TNRC6B: variants seen among roughly 807,000 people sequenced by gnomAD.
TNRC6B encodes trinucleotide repeat-containing gene 6B protein.
Under a neutral mutation model 203.6 loss-of-function variants are expected in TNRC6B, and 52 were observed. The ratio of observed to expected loss-of-function variants is 0.26; its 90% CI spans 0.20 to 0.32. The LOEUF (loss-of-function observed/expected upper bound fraction) is 0.32, where lower values mean the gene tolerates loss of function less well. TNRC6B is among the 10% of genes least tolerant of loss of function. The probability of loss-of-function intolerance (pLI) is 1.00; values close to 1 mark genes in which losing one functional copy is unlikely to be tolerated. For synonymous variants in TNRC6B, 838 were observed against 845.7 expected (o/e 0.99, Z 0.16); for missense variants, 1,923 against 2,286.2 (o/e 0.84, Z 3.24).
intron 1 of TNRC6B, among the ~76,000 whole-genome samples, chr22:40,233,396 G>A (rs1222905677): frequency 6.6e-6 from 1 of 151,710 alleles, no homozygotes; most frequent in Admixed American, 6.6e-5. Flanking sequence ...GGCCGAGGAG[G>A]GTGGATCACA....
chr22:40,272,174 T>C (rs1407534069), intron 6 of TNRC6B, among the ~76,000 whole-genome samples: 3 of 152,156 alleles, frequency 2.0e-5, no homozygotes, highest in Admixed American at 6.5e-5. Flanking sequence ...GAGGCAGCAG[T>C]CCTGGTTATC....
At chr22:40,105,105 A>T (rs542903663) in intron 1 of TNRC6B, among the ~76,000 whole-genome samples, 1 of 152,350 alleles carries the variant, frequency 6.6e-6, no homozygotes, top group African/African-American at 2.4e-5. Context: ...CAAGTGTGGC[A>T]GACTACTTGT....
chr22:40,312,803 C>T, intron 18 of TNRC6B, 99 bp from the exon 19 acceptor site: 2 of 1,465,224 alleles, frequency 1.4e-6, no homozygotes, highest in African/African-American at 1.4e-5. Context: ...CATATTTTGT[C>T]CTCCATTCTA....
intron 1 of TNRC6B, among the ~76,000 whole-genome samples, chr22:40,192,641 T>G (rs2069288753): frequency 6.6e-6 from 1 of 151,592 alleles, no homozygotes; most frequent in Admixed American, 6.6e-5. Context: ...AAGACCAGAT[T>G]TTCGAGCTCC....
intron 1 of TNRC6B, among the ~76,000 whole-genome samples, chr22:40,092,401 C>CAA (rs552880025): frequency 1.4e-3 from 159 of 112,740 alleles, no homozygotes; most frequent in Middle Eastern, 4.5e-3. Flanking sequence ...GACTCTGTCT[C>CAA]AAAAAAAAAA....
At chr22:40,096,175 T>G (rs1431483669) in intron 1 of TNRC6B, among the ~76,000 whole-genome samples, 1 of 152,180 alleles carries the variant, frequency 6.6e-6, no homozygotes, top group Non-Finnish European at 1.5e-5. Context: ...TGGCCAAAAC[T>G]TTATGAGACT....
At chr22:40,166,732 T>C (rs1320456957) in intron 4 of TNRC6B, among the ~76,000 whole-genome samples, 2 of 151,904 alleles carry the variant, frequency 1.3e-5, no homozygotes, top group South Asian at 2.1e-4. Flanking sequence ...CCGTCTCTAC[T>C]GAAAGTCCAA....
At chr22:40,213,629 TAAC>T (rs1408920400) in intron 1 of TNRC6B, among the ~76,000 whole-genome samples, 1 of 152,142 alleles carries the variant, frequency 6.6e-6, no homozygotes, top group Non-Finnish European at 1.5e-5. Flanking sequence ...ATCAGGCTAA[TAAC>T]AATCACAGTG....
intron 1 of TNRC6B, among the ~76,000 whole-genome samples, chr22:40,104,143 C>G (rs2068262654): frequency 6.6e-6 from 1 of 151,896 alleles, no homozygotes; most frequent in African/African-American, 2.4e-5. Context: ...CCTAACTACT[C>G]AGGAGGCTGA....
At chr22:40,102,624 A>G (rs1008804422) in intron 1 of TNRC6B, among the ~76,000 whole-genome samples, 1 of 152,170 alleles carries the variant, frequency 6.6e-6, no homozygotes, top group Non-Finnish European at 1.5e-5. Context: ...AACTTCACCC[A>G]GTTTAGATAT....
chr22:40,267,341 T>C (rs1422945467), intron 5 of TNRC6B, among the ~76,000 whole-genome samples: 1 of 152,230 alleles, frequency 6.6e-6, no homozygotes. Context: ...CAAACTATGT[T>C]CTAGATTTTA....
At chr22:40,162,347 G>A (rs1307175322) in intron 4 of TNRC6B, among the ~76,000 whole-genome samples, 1 of 152,112 alleles carries the variant, frequency 6.6e-6, no homozygotes, top group Non-Finnish European at 1.5e-5. Flanking sequence ...GCCTGCCTCG[G>A]TGTCCCAAAG....
chr22:40,076,177 G>A (rs2146285193), intron 1 of TNRC6B, among the ~76,000 whole-genome samples: 1 of 152,344 alleles, frequency 6.6e-6, no homozygotes, highest in East Asian at 1.9e-4. Flanking sequence ...AGCACTTTGG[G>A]AGGCCAAGGC....
intron 4 of TNRC6B, among the ~76,000 whole-genome samples, chr22:40,158,033 A>G (rs554807781): frequency 6.6e-6 from 1 of 152,188 alleles, no homozygotes; most frequent in Admixed American, 6.5e-5. Flanking sequence ...GTCAAAATCA[A>G]AGTCTCATGA....
At chr22:40,298,112 G>A (rs1051134897) in intron 12 of TNRC6B, among the ~76,000 whole-genome samples, 2 of 151,666 alleles carry the variant, frequency 1.3e-5, no homozygotes, top group African/African-American at 2.4e-5. Flanking sequence ...GCAACAGAGC[G>A]AGACTCCATC....
chr22:40,271,923 A>C (rs1018675295), intron 6 of TNRC6B, among the ~76,000 whole-genome samples: 2 of 152,164 alleles, frequency 1.3e-5, no homozygotes, highest in African/African-American at 4.8e-5. Context: ...TGATGTTATG[A>C]ATCCTATGAT....
chr22:40,205,600 C>T (rs1431499159), intron 1 of TNRC6B, among the ~76,000 whole-genome samples: 2 of 152,072 alleles, frequency 1.3e-5, no homozygotes, highest in Non-Finnish European at 2.9e-5. Flanking sequence ...AAGCATTGAG[C>T]ATTTTTAAGA....
intron 12 of TNRC6B, among the ~76,000 whole-genome samples, chr22:40,299,546 C>G (rs2070994337): frequency 6.6e-6 from 1 of 152,088 alleles, no homozygotes; most frequent in African/African-American, 2.4e-5. Context: ...GCTCTAAAGT[C>G]TTTTTTTAAC....
At chr22:40,092,859 T>C (rs2042333707) in intron 1 of TNRC6B, among the ~76,000 whole-genome samples, 1 of 152,224 alleles carries the variant, frequency 6.6e-6, no homozygotes, top group Non-Finnish European at 1.5e-5. Flanking sequence ...AATTAGATAT[T>C]GTAAATTGTA....
Sources: gnomAD v4.1 joint callset for allele counts (sites outside exome capture counted in the v4.1 genomes callset) on GRCh38, gnomAD v4.1.1 for gene constraint, MANE v1.5 for transcripts, NCBI Gene and HGNC (gene_info 2026-07-23, HGNC 2026-07-21) for gene names.